The following ZNF280C variants were observed in gnomAD, a reference collection of about 807,000 sequenced individuals.
The protein encoded by ZNF280C is zinc finger protein 280C.
In ZNF280C, 14 loss-of-function variants were observed where a neutral mutation model predicts 53.6. The observed-to-expected ratio is 0.26, with a 90% CI of 0.17 to 0.41. The LOEUF (loss-of-function observed/expected upper bound fraction) is 0.41. ZNF280C is among the 10% of genes least tolerant of loss of function. The pLI, the probability that ZNF280C is intolerant of heterozygous loss-of-function variation, is 1.00. For missense variants in ZNF280C, 416 were observed against 547.1 expected (o/e 0.76, Z 2.39); for synonymous variants, 203 against 181.1 (o/e 1.12, Z -0.97).
At chrX:130,227,101 T>C (rs1252190662) in intron 11 of ZNF280C, among the ~76,000 whole-genome samples, 196 bp from the exon 12 acceptor site, 12 of 111,709 alleles carry the variant, frequency 1.1e-4, no homozygotes, top group African/African-American at 3.9e-4. Flanking sequence ...AGTTTAGGCA[T>C]ATATTCCAAA....
At chrX:130,224,943 C>T (rs1394787866) in intron 12 of ZNF280C, among the ~76,000 whole-genome samples, 1 of 111,802 alleles carries the variant, frequency 8.9e-6, no homozygotes, top group Non-Finnish European at 1.9e-5. Context: ...ATTTTAGAAG[C>T]TCAATTTCCA....
intron 6 of ZNF280C, among the ~76,000 whole-genome samples, chrX:130,237,217 C>T (rs754560798): frequency 3.6e-5 from 4 of 111,607 alleles, no homozygotes; most frequent in Non-Finnish European, 7.6e-5. Context: ...TGTTTACTCC[C>T]TATATACAAA....
chrX:130,252,164 A>G (rs932661093), intron 2 of ZNF280C, among the ~76,000 whole-genome samples: 1 of 111,966 alleles, frequency 8.9e-6, no homozygotes, highest in African/African-American at 3.2e-5. Flanking sequence ...AAAAACCAAA[A>G]AGCTTTCATG....
chrX:130,249,563 GC>G (rs931688349), intron 2 of ZNF280C, among the ~76,000 whole-genome samples: 2 of 111,634 alleles, frequency 1.8e-5, no homozygotes, highest in African/African-American at 6.5e-5. Flanking sequence ...CTGAGCCTTG[GC>G]CCCCTAAAAT....
At chrX:130,229,271 C>A in intron 9 of ZNF280C, 137 bp from the exon 10 acceptor site, 1 of 514,687 alleles carries the variant, frequency 1.9e-6, no homozygotes, top group South Asian at 6.1e-5. Context: ...TGAAAGCACT[C>A]TATAAAGTGT....
chrX:130,209,384 G>T (rs2032017165), intron 16 of ZNF280C, among the ~76,000 whole-genome samples: 2 of 111,947 alleles, frequency 1.8e-5, no homozygotes, highest in South Asian at 7.4e-4. Flanking sequence ...TTGATTTCAA[G>T]TATTATGGTA....
intron 2 of ZNF280C, among the ~76,000 whole-genome samples, chrX:130,251,033 G>C (rs956856028): frequency 1.8e-5 from 2 of 109,366 alleles, no homozygotes; most frequent in African/African-American, 6.7e-5. Context: ...AGAGGCAGAG[G>C]TTGCAATAAG....
intron 5 of ZNF280C, among the ~76,000 whole-genome samples, chrX:130,243,240 T>C (rs1221612234): frequency 4.5e-5 from 5 of 111,635 alleles, no homozygotes; most frequent in Non-Finnish European, 9.4e-5. Flanking sequence ...TGGAATGCAG[T>C]GGTATGATCT....
At chrX:130,222,276 C>CACACA (rs2032173349) in intron 12 of ZNF280C, among the ~76,000 whole-genome samples, 1 of 69,937 alleles carries the variant, frequency 1.4e-5, no homozygotes, top group Non-Finnish European at 2.6e-5. Flanking sequence ...CATTCAGACA[C>CACACA]CACACACACA....
intron 1 of ZNF280C, among the ~76,000 whole-genome samples, chrX:130,263,480 T>C (rs1220087544): frequency 1.8e-5 from 2 of 112,120 alleles, no homozygotes; most frequent in Admixed American, 9.5e-5. Flanking sequence ...TATGATTTCA[T>C]TCATACCAAA....
chrX:130,260,521 A>C (rs2032620655), intron 1 of ZNF280C, 56 bp from the exon 2 acceptor site: 1 of 966,001 alleles, frequency 1.0e-6, no homozygotes, highest in African/African-American at 2.0e-5. Flanking sequence ...AGTAACACCA[A>C]GTATTGAAAC....
intron 5 of ZNF280C, among the ~76,000 whole-genome samples, chrX:130,242,250 A>AAC (rs982357723): frequency 6.3e-4 from 70 of 111,463 alleles, no homozygotes; most frequent in African/African-American, 2.2e-3. Context: ...CTCAAAAAAA[A>AAC]ATAAAATAAA....
At position 130,226,919 on chromosome X, in the gene ZNF280C, G is replaced by T; in HGVS notation, c.1249-14C>A. 8.5e-7 allele frequency: 1 copy of T among 1,182,845 alleles called. No homozygotes were observed. Among genetic ancestry groups the T allele is most frequent in the Non-Finnish European group, 1.1e-6 (1 of 881,933 alleles). On this transcript the variant is annotated splice_polypyrimidine_tract_variant and intron_variant, in intron 11 of 18. Transcript: ENST00000370978. ...AAACTGGCAAACCTAGAAATATAAA[G>T]AAGGCTTAGTTTAACTTGATATTTT...
intron 6 of ZNF280C, among the ~76,000 whole-genome samples, chrX:130,238,042 C>T (rs940427521): frequency 2.7e-5 from 3 of 111,108 alleles, no homozygotes; most frequent in African/African-American, 9.8e-5. Flanking sequence ...GTTTGGCTTG[C>T]GGTGTTCCCT....
Position 130,231,358 on chromosome X carries a change from A to G in ZNF280C, c.772-631T>C, listed in dbSNP as rs776414814. Among the ~76,000 whole-genome samples, 498 of 112,391 alleles carry G rather than the reference A, an allele frequency of 4.4e-3. 2 individuals carry two copies. Among genetic ancestry groups the G allele is most frequent in the Non-Finnish European group, 7.5e-3 (401 of 53,240 alleles). ...GATAAAGAAAATGTGGTACACATAC[A>G]CTATGGAATACTACACAGCCATAAA... On this transcript the variant is annotated intron_variant, in intron 8 of 18. Transcript: ENST00000370978.
chrX:130,268,481 C>T (rs1569442523), intron 1 of ZNF280C, among the ~76,000 whole-genome samples: 1 of 112,007 alleles, frequency 8.9e-6, no homozygotes. Context: ...GGTGAGAAGG[C>T]TGCCGCAGCT....
intron 8 of ZNF280C, among the ~76,000 whole-genome samples, chrX:130,231,233 C>T (rs1321567049): frequency 1.8e-5 from 2 of 111,276 alleles, no homozygotes; most frequent in Non-Finnish European, 3.8e-5. Context: ...GAAAATTAAT[C>T]GTTCTACCAA....
intron 10 of ZNF280C, 109 bp downstream of exon 10, chrX:130,228,859 TGCCCTCATA>T: frequency 2.9e-6 from 2 of 679,527 alleles, no homozygotes; most frequent in Non-Finnish European, 2.1e-6. Flanking sequence ...TTTTCAATTT[TGCCCTCATA>T]TTACAAAGTC....
chrX:130,207,952 T>C (rs890546519), intron 16 of ZNF280C, among the ~76,000 whole-genome samples: 2 of 111,679 alleles, frequency 1.8e-5, no homozygotes, highest in African/African-American at 6.5e-5. Flanking sequence ...TAATAAATTG[T>C]ACATTCCTTG....
Sources: allele counts gnomAD v4.1 joint callset (sites outside exome capture counted in the v4.1 genomes callset), GRCh38; gene constraint gnomAD v4.1.1; transcripts MANE v1.5; gene names NCBI Gene and HGNC (gene_info 2026-07-23, HGNC 2026-07-21).